The following THADA variants were observed in gnomAD, a reference collection of about 807,000 sequenced individuals.
The protein encoded by THADA is THADA armadillo repeat containing.
A neutral mutation model predicts 219.8 loss-of-function variants in THADA; 213 were observed. That is an observed-to-expected ratio of 0.97 (90% CI 0.87 to 1.09). THADA has a LOEUF of 1.09. Among genes scored for constraint, THADA ranks in the 50% least tolerant of loss-of-function variants. THADA has a pLI of 0.00. For missense variants in THADA, 2,956 were observed against 2,311.3 expected (o/e 1.28, Z -5.72); for synonymous variants, 1,018 against 828.9 (o/e 1.23, Z -3.92).
intron 25 of THADA, among the ~76,000 whole-genome samples, chr2:43,487,231 T>C (rs1687026039): frequency 6.6e-6 from 1 of 152,136 alleles, no homozygotes; most frequent in Non-Finnish European, 1.5e-5. Context: ...AGGTCTAAGA[T>C]GACTTGGTAA....
chr2:43,263,769 G>C (rs568429554), intron 36 of THADA, among the ~76,000 whole-genome samples: 46 of 152,308 alleles, frequency 3.0e-4, no homozygotes, highest in African/African-American at 1.0e-3. Flanking sequence ...TACATGTGCA[G>C]GAAGTGCAGG....
intron 36 of THADA, among the ~76,000 whole-genome samples, chr2:43,272,430 A>G (rs1403730835): frequency 6.6e-6 from 1 of 152,188 alleles, no homozygotes; most frequent in Non-Finnish European, 1.5e-5. Flanking sequence ...GGTGGCTTGG[A>G]CTAGCACATG....
chr2:43,444,686 T>C (rs1349605787), intron 26 of THADA, among the ~76,000 whole-genome samples: 2 of 152,090 alleles, frequency 1.3e-5, no homozygotes, highest in Non-Finnish European at 2.9e-5. Flanking sequence ...TGAAAACTAT[T>C]GTGCAGTGAA....
At chr2:43,471,962 A>G (rs1684959419) in intron 26 of THADA, among the ~76,000 whole-genome samples, 1 of 152,202 alleles carries the variant, frequency 6.6e-6, no homozygotes, top group Admixed American at 6.5e-5. Flanking sequence ...AAACCCACTC[A>G]AGACTAAGAT....
intron 30 of THADA, among the ~76,000 whole-genome samples, chr2:43,342,059 AC>A (rs1355887735): frequency 6.6e-6 from 1 of 152,110 alleles, no homozygotes; most frequent in Non-Finnish European, 1.5e-5. Context: ...AAAAAACCCC[AC>A]AAAAATTAGC....
chr2:43,279,857 G>A lies in THADA; in HGVS notation c.5204C>T (p.Thr1735Ile). 1 of 1,569,552 alleles carries A rather than the reference G, an allele frequency of 6.4e-7. No homozygotes were observed. The highest frequency in any genetic ancestry group is 8.6e-7 in the Non-Finnish European group (1 of 1,158,522). ...AGCTTGCTCCTCACTCTGCAGAAGGGTAAGGACACACTTCCAGAGAGCAAG... is the reference window on the plus strand; with the variant it reads ...AGCTTGCTCCTCACTCTGCAGAAGGATAAGGACACACTTCCAGAGAGCAAG... Reference protein sequence around the residue: ...DTLALWKCVLTLLQSEEQAVR... With the variant: ...DTLALWKCVLILLQSEEQAVR... Residue 1735 changes from threonine (T) to isoleucine (I), a missense_variant, in exon 36 of 38, where the codon ACC (threonine) becomes ATC (isoleucine). Thr to Ile is a moderately conservative substitution (Grantham distance 89). Transcript: ENST00000405975.
intron 26 of THADA, among the ~76,000 whole-genome samples, chr2:43,432,555 C>T (rs75934770): frequency 6.6e-6 from 1 of 151,230 alleles, no homozygotes; most frequent in Non-Finnish European, 1.5e-5. Flanking sequence ...GATTAATATC[C>T]GAGAATAAAA....
chr2:43,357,902 A>AT (rs1669059116), intron 29 of THADA, among the ~76,000 whole-genome samples: 1 of 152,168 alleles, frequency 6.6e-6, no homozygotes, highest in Non-Finnish European at 1.5e-5. Flanking sequence ...TTACTTTTCA[A>AT]TTTTTTTCAA....
intron 26 of THADA, among the ~76,000 whole-genome samples, chr2:43,453,483 T>A (rs1004969139): frequency 3.9e-5 from 6 of 152,256 alleles, no homozygotes; most frequent in Non-Finnish European, 5.9e-5. Flanking sequence ...GGAATAAGTA[T>A]AACTCATTAT....
chr2:43,305,044 C>A (rs1030341269), intron 31 of THADA, among the ~76,000 whole-genome samples: 3 of 152,176 alleles, frequency 2.0e-5, no homozygotes, highest in Non-Finnish European at 2.9e-5. Flanking sequence ...TTGGTCAGAG[C>A]TCTGTAATCA....
intron 30 of THADA, among the ~76,000 whole-genome samples, chr2:43,333,740 T>C (rs1474720513): frequency 6.6e-6 from 1 of 152,214 alleles, no homozygotes; most frequent in African/African-American, 2.4e-5. Flanking sequence ...CATCCTGGAC[T>C]GGATTCATTT....
intron 30 of THADA, among the ~76,000 whole-genome samples, chr2:43,320,951 T>C (rs1296820118): frequency 6.6e-6 from 1 of 152,188 alleles, no homozygotes; most frequent in Non-Finnish European, 1.5e-5. Context: ...AGATTTAGTA[T>C]TGTGGAGAAG....
At chr2:43,507,669 TG>T (rs1689854875) in intron 23 of THADA, among the ~76,000 whole-genome samples, 1 of 152,126 alleles carries the variant, frequency 6.6e-6, no homozygotes. Flanking sequence ...TGTAGGGGCA[TG>T]AAAAAAATCA....
chr2:43,388,514 TAA>T (rs896214349), intron 29 of THADA, among the ~76,000 whole-genome samples: 1 of 152,206 alleles, frequency 6.6e-6, no homozygotes, highest in Non-Finnish European at 1.5e-5. Context: ...CTTCCCATGA[TAA>T]AAGAGTCCTT....
At chr2:43,477,566 G>C (rs987908890) in intron 26 of THADA, among the ~76,000 whole-genome samples, 1 of 152,126 alleles carries the variant, frequency 6.6e-6, no homozygotes, top group African/African-American at 2.4e-5. Context: ...CATTCTCCAT[G>C]CCCACCAGCC....
chr2:43,288,827 T>A (rs1218321969), intron 34 of THADA, among the ~76,000 whole-genome samples: 1 of 152,220 alleles, frequency 6.6e-6, no homozygotes, highest in Non-Finnish European at 1.5e-5. Context: ...ATTCACTCAT[T>A]TAAAGTGGCC....
intron 22 of THADA, among the ~76,000 whole-genome samples, chr2:43,514,984 TTATATATAATATATAATATTA>T (rs1458730039): frequency 4.8e-5 from 3 of 63,022 alleles, no homozygotes; most frequent in African/African-American, 2.1e-4. Flanking sequence ...ATATAACATT[TTATATATAATATATAATATTA>T]TATATATTAT....
At chr2:43,405,159 C>G (rs907444700) in intron 28 of THADA, among the ~76,000 whole-genome samples, 8 of 152,332 alleles carry the variant, frequency 5.3e-5, no homozygotes, top group African/African-American at 1.9e-4. Flanking sequence ...AGCCCATTGG[C>G]TTTATTCTCC....
intron 26 of THADA, among the ~76,000 whole-genome samples, chr2:43,439,005 G>C (rs1680509220): frequency 6.6e-6 from 1 of 152,174 alleles, no homozygotes; most frequent in Admixed American, 6.5e-5. Context: ...TTGCCTATGT[G>C]ATAAGATAAA....
Sources: allele counts gnomAD v4.1 joint callset (sites outside exome capture counted in the v4.1 genomes callset), GRCh38; gene constraint gnomAD v4.1.1; transcripts MANE v1.5; gene names NCBI Gene and HGNC (gene_info 2026-07-23, HGNC 2026-07-21).